PTPRN2: variants seen among roughly 807,000 people sequenced by gnomAD.
The protein encoded by PTPRN2 is receptor-type tyrosine-protein phosphatase N2.
In PTPRN2, 74 loss-of-function variants were observed where a neutral mutation model predicts 118.8. The observed-to-expected ratio is 0.62, with a 90% confidence interval of 0.52 to 0.76. The LOEUF is 0.76. Ranked by LOEUF, PTPRN2 falls within the 30% of genes least tolerant of loss-of-function variation. PTPRN2 has a pLI of 0.00. For synonymous variants in PTPRN2, 641 were observed against 608.0 expected, an observed-to-expected ratio of 1.05 and a Z score of -0.80; for missense variants, 1,481 against 1,394.4, an observed-to-expected ratio of 1.06 and a Z score of -0.99.
At chr7:158,337,728 C>A (rs1805956838) in intron 2 of PTPRN2, among the ~76,000 whole-genome samples, 1 of 149,664 alleles carries the variant, frequency 6.7e-6, no homozygotes, top group Non-Finnish European at 1.5e-5. Flanking sequence ...CCGCAGACGT[C>A]ACTCACAACC....
At chr7:157,573,505 C>T (rs1406683318) in intron 19 of PTPRN2, among the ~76,000 whole-genome samples, 2 of 152,200 alleles carry the variant, frequency 1.3e-5, no homozygotes, top group South Asian at 4.1e-4. Context: ...TCATTTTTTC[C>T]TCATGAGACC....
chr7:157,992,563 TAAAACAAAAC>T (rs947398948), intron 11 of PTPRN2, among the ~76,000 whole-genome samples: 7 of 152,150 alleles, frequency 4.6e-5, no homozygotes, highest in African/African-American at 1.7e-4. Context: ...TAAATAAAAA[TAAAACAAAAC>T]AAAATAAAAC....
At chr7:158,312,780 C>T (rs1284395540) in intron 3 of PTPRN2, among the ~76,000 whole-genome samples, 7 of 86,692 alleles carry the variant, frequency 8.1e-5, no homozygotes, top group East Asian at 5.4e-4. Flanking sequence ...TACCCACACA[C>T]GCACACACAC....
intron 3 of PTPRN2, among the ~76,000 whole-genome samples, chr7:158,281,121 T>C (rs1200627624): frequency 2.0e-5 from 3 of 152,140 alleles, no homozygotes; most frequent in Non-Finnish European, 2.9e-5. Flanking sequence ...CTGATCAACA[T>C]AGTGAACCCC....
chr7:157,741,623 C>G (rs907307171), intron 12 of PTPRN2, among the ~76,000 whole-genome samples: 2 of 152,192 alleles, frequency 1.3e-5, no homozygotes, highest in Non-Finnish European at 2.9e-5. Context: ...GACCCATGCA[C>G]GATTCAGTGG....
chr7:158,463,640 C>T (rs955745699), intron 2 of PTPRN2, among the ~76,000 whole-genome samples: 1 of 152,092 alleles, frequency 6.6e-6, no homozygotes, highest in East Asian at 1.9e-4. Flanking sequence ...ACACCATCAT[C>T]ATCATCACCA....
intron 11 of PTPRN2, among the ~76,000 whole-genome samples, chr7:158,051,607 G>A (rs1257993385): frequency 6.6e-6 from 1 of 152,166 alleles, no homozygotes; most frequent in Non-Finnish European, 1.5e-5. Context: ...CATCCATGTC[G>A]TGCTCCCCCG....
chr7:157,790,515 G>C (rs1313381464), intron 12 of PTPRN2, among the ~76,000 whole-genome samples: 1 of 152,094 alleles, frequency 6.6e-6, no homozygotes, highest in South Asian at 2.1e-4. Context: ...AGGAATGAAC[G>C]TGACAACACA....
chr7:158,298,299 GA>G (rs1426584249), intron 3 of PTPRN2, among the ~76,000 whole-genome samples: 4 of 151,988 alleles, frequency 2.6e-5, no homozygotes, highest in African/African-American at 9.7e-5. Flanking sequence ...TTCTTATTAT[GA>G]AACGTTTCAG....
At position 158,136,711 on chromosome 7, in the gene PTPRN2, G is replaced by A. The variant is rs1320695834; in HGVS notation, c.1133-16C>T. 6.2e-7 allele frequency: 1 copy of A among 1,613,156 alleles called. No homozygotes were observed. Among genetic ancestry groups the A allele is most frequent in the South Asian group, 1.1e-5 (1 of 91,024 alleles). On this transcript the variant is annotated splice_polypyrimidine_tract_variant and intron_variant, in intron 7 of 22. Transcript: ENST00000389418. The stretch of plus-strand genomic sequence containing the variant: ...ACTCCGTCATCTGTAAAAGACACCA[G>A]TGTTACCAAGACCCTCATCAAGAAT...
chr7:158,564,585 A>G (rs1308678919), intron 1 of PTPRN2, among the ~76,000 whole-genome samples: 2 of 152,218 alleles, frequency 1.3e-5, no homozygotes, highest in African/African-American at 2.4e-5. Flanking sequence ...GGTGCATGCC[A>G]GGCCCTGGCC....
chr7:157,761,863 CT>C (rs1350340605), intron 12 of PTPRN2, among the ~76,000 whole-genome samples: 4 of 151,954 alleles, frequency 2.6e-5, no homozygotes, highest in African/African-American at 7.3e-5. Flanking sequence ...TGACAAAGGG[CT>C]AATATCCAGA....
intron 10 of PTPRN2, among the ~76,000 whole-genome samples, chr7:158,102,379 C>G (rs1815301430): frequency 6.6e-6 from 1 of 152,170 alleles, no homozygotes; most frequent in Admixed American, 6.5e-5. Flanking sequence ...CCAATTATCT[C>G]AGTTATGTGT....
At chr7:158,186,105 G>A (rs569224616) in intron 5 of PTPRN2, among the ~76,000 whole-genome samples, 1 of 152,294 alleles carries the variant, frequency 6.6e-6, no homozygotes, top group South Asian at 2.1e-4. Context: ...GCTTTGCACA[G>A]CCTGTCTCTC....
intron 12 of PTPRN2, among the ~76,000 whole-genome samples, chr7:157,847,324 T>G (rs952539005): frequency 6.9e-6 from 1 of 144,816 alleles, no homozygotes; most frequent in African/African-American, 2.6e-5. Context: ...GGCCGATGTT[T>G]ACAGAGCCCT....
At chr7:158,055,815 G>C (rs963271731) in intron 11 of PTPRN2, among the ~76,000 whole-genome samples, 1 of 152,080 alleles carries the variant, frequency 6.6e-6, no homozygotes, top group Non-Finnish European at 1.5e-5. Flanking sequence ...CTGGCATTCC[G>C]GGCTACTACT....
Position 157,910,726 on chromosome 7 carries a change from G to C in PTPRN2, c.1724-11989C>G, listed in dbSNP as rs955936888. 4.2e-4 allele frequency among the ~76,000 whole-genome samples: 64 copies of C among 152,194 alleles called. 1 individual carries two copies. Among genetic ancestry groups the C allele is most frequent in the Admixed American group, 4.1e-3 (63 of 15,288 alleles). The stretch of plus-strand genomic sequence containing the variant: ...GGCACGTGTGTGTGTGTGTGTGTGC[G>C]AGCGCGCGTGCGCCCCTGCGATCAG... On this transcript the variant is annotated intron_variant, in intron 11 of 22. Coordinates refer to ENST00000389418, the MANE Select transcript of PTPRN2 (RefSeq NM_002847.5).
rs1357912983 is a variant in PTPRN2, at chr7:157,957,169, G to A, written c.1724-58432C>T. 1.3e-5 allele frequency among the ~76,000 whole-genome samples: 2 copies of A among 152,212 alleles called. 1 individual carries two copies. Among genetic ancestry groups the A allele is most frequent in the Non-Finnish European group, 2.9e-5 (2 of 68,038 alleles). ...AGCCCACTGTTACTCTAGAGCAGGG[G>A]ACAAGAGTCACCCAAGGTGACTATA... On this transcript the variant is annotated intron_variant, in intron 11 of 22. Transcript: ENST00000389418.
At chr7:158,424,269 C>A (rs1432979025) in intron 2 of PTPRN2, among the ~76,000 whole-genome samples, 3 of 152,176 alleles carry the variant, frequency 2.0e-5, no homozygotes, top group Non-Finnish European at 2.9e-5. Flanking sequence ...TAAGCAACTG[C>A]CCACGTGGAA....
Sources: gnomAD v4.1 joint callset for allele counts (sites outside exome capture counted in the v4.1 genomes callset) on GRCh38, gnomAD v4.1.1 for gene constraint, MANE v1.5 for transcripts, NCBI Gene and HGNC (gene_info 2026-07-23, HGNC 2026-07-21) for gene names.